The following GPC5 variants were observed in gnomAD, a reference collection of about 807,000 sequenced individuals.
GPC5 encodes the protein glypican 5.
A neutral mutation model predicts 53.9 loss-of-function variants in GPC5; 47 were observed. That is an observed-to-expected ratio of 0.87 (90% CI 0.69 to 1.11). GPC5 has a LOEUF of 1.11. GPC5 is among the 50% of genes most tolerant of loss of function. GPC5 has a pLI of 0.00. For synonymous variants in GPC5, 286 were observed against 263.3 expected (o/e 1.09, Z -0.84); for missense variants, 748 against 713.1 (o/e 1.05, Z -0.56).
chr13:92,577,842 TAAAAC>T (rs1883238609), intron 7 of GPC5, among the ~76,000 whole-genome samples: 1 of 151,460 alleles, frequency 6.6e-6, no homozygotes, highest in Admixed American at 6.6e-5. Flanking sequence ...ACAAGAAAAA[TAAAAC>T]AAGGAGCAGA....
chr13:92,674,823 G>C (rs1396548913), intron 7 of GPC5, among the ~76,000 whole-genome samples: 1 of 151,980 alleles, frequency 6.6e-6, no homozygotes, highest in African/African-American at 2.4e-5. Context: ...CCTCACTTTA[G>C]AGAGAAAATA....
At position 92,347,962 on chromosome 13, in the gene GPC5, C is replaced by A. The variant is rs1444070737; in HGVS notation, c.1561+202973C>A. 1.3e-4 allele frequency among the ~76,000 whole-genome samples: 7 copies of A among 54,278 alleles called. 1 individual carries two copies. Among genetic ancestry groups the A allele is most frequent in the African/African-American group, 4.6e-4 (7 of 15,090 alleles). 35.6% of individuals were successfully genotyped at this position (54,278 alleles called of 152,430 possible). On this transcript the variant is annotated intron_variant, in intron 7 of 7. Transcript: ENST00000377067. ...TTATATGTAAACCTCATGAGAAACACAAAGCAAAAATTATTAGGACAAAAA... is the reference window on the plus strand; with the variant it reads ...TTATATGTAAACCTCATGAGAAACAAAAAGCAAAAATTATTAGGACAAAAA...
At chr13:92,175,186 C>T (rs1168167162) in intron 7 of GPC5, among the ~76,000 whole-genome samples, 1 of 152,190 alleles carries the variant, frequency 6.6e-6, no homozygotes, top group East Asian at 1.9e-4. Context: ...TTTCTGGAAA[C>T]ATTATTTTAT....
chr13:92,344,038 T>C (rs1032148092), intron 7 of GPC5, among the ~76,000 whole-genome samples: 8 of 151,604 alleles, frequency 5.3e-5, no homozygotes, highest in African/African-American at 1.9e-4. Context: ...CCTCAACATT[T>C]GGGGAGTGGG....
At chr13:91,785,547 A>C (rs2037864905) in intron 5 of GPC5, among the ~76,000 whole-genome samples, 3 of 152,236 alleles carry the variant, frequency 2.0e-5, no homozygotes, top group Admixed American at 1.3e-4. Flanking sequence ...CACAAATTTC[A>C]GGCTTGTATA....
intron 7 of GPC5, among the ~76,000 whole-genome samples, chr13:92,642,171 G>A (rs1055231880): frequency 9.9e-5 from 15 of 152,190 alleles, no homozygotes; most frequent in African/African-American, 3.1e-4. Context: ...ACAGTAGTGT[G>A]CACTTGCTGT....
chr13:92,692,754 A>ATTTTTTTTTTTTTTTTTT lies in GPC5; in HGVS notation c.1562-173523_1562-173506dup, dbSNP rs71272284. ...CTCCAAAGCCTCACCAATATCGGCT[A>ATTTTTTTTTTTTTTTTTT]TTTTTTTTTTTTTTTTTTTTTTACA... On this transcript the variant is annotated intron_variant, in intron 7 of 7. Transcript: ENST00000377067. Among the ~76,000 whole-genome samples, 657 of 80,882 alleles carry ATTTTTTTTTTTTTTTTTT rather than the reference A, an allele frequency of 8.1e-3. 73 individuals carry two copies. Among genetic ancestry groups the ATTTTTTTTTTTTTTTTTT allele is most frequent in the East Asian group, 0.061 (72 of 1,178 alleles). 53.1% of individuals were successfully genotyped at this position (80,882 alleles called of 152,430 possible).
At chr13:92,214,591 G>A (rs2042397098) in intron 7 of GPC5, among the ~76,000 whole-genome samples, 1 of 152,118 alleles carries the variant, frequency 6.6e-6, no homozygotes, top group Non-Finnish European at 1.5e-5. Flanking sequence ...GTGCACTACT[G>A]TTTGCCTAAG....
chr13:92,856,182 G>C (rs369413686), intron 7 of GPC5, among the ~76,000 whole-genome samples: 2 of 152,020 alleles, frequency 1.3e-5, no homozygotes, highest in African/African-American at 4.8e-5. Context: ...TTATTCCTGG[G>C]ATGCAAGGTT....
chr13:92,486,805 G>T (rs1409475634), intron 7 of GPC5, among the ~76,000 whole-genome samples: 1 of 151,976 alleles, frequency 6.6e-6, no homozygotes, highest in Non-Finnish European at 1.5e-5. Flanking sequence ...CACATTTCAT[G>T]TGATTCGTGG....
chr13:91,877,040 G>A (rs2039210645), intron 5 of GPC5, among the ~76,000 whole-genome samples: 1 of 152,208 alleles, frequency 6.6e-6, no homozygotes, highest in African/African-American at 2.4e-5. Context: ...CAGATGTTGA[G>A]CCTGTGGGTA....
At chr13:91,887,741 C>T (rs2039340842) in intron 5 of GPC5, among the ~76,000 whole-genome samples, 1 of 152,164 alleles carries the variant, frequency 6.6e-6, no homozygotes, top group Non-Finnish European at 1.5e-5. Context: ...TCCCAACAAG[C>T]TCCTCATCTC....
chr13:91,925,414 G>A (rs1226055568), intron 6 of GPC5, among the ~76,000 whole-genome samples: 1 of 152,044 alleles, frequency 6.6e-6, no homozygotes, highest in African/African-American at 2.4e-5. Context: ...TAAAATTCCT[G>A]TATTGTTTCA....
At chr13:91,432,368 T>C (rs1879558280) in intron 1 of GPC5, among the ~76,000 whole-genome samples, 1 of 152,188 alleles carries the variant, frequency 6.6e-6, no homozygotes, top group Non-Finnish European at 1.5e-5. Context: ...TGGCTTGAAT[T>C]AATGAACACA....
At chr13:91,441,317 A>C (rs561586824) in intron 1 of GPC5, among the ~76,000 whole-genome samples, 2 of 152,240 alleles carry the variant, frequency 1.3e-5, no homozygotes, top group African/African-American at 4.8e-5. Flanking sequence ...AAGAGGTGTT[A>C]TCAGACCTTC....
chr13:92,794,228 C>T (rs567955246), intron 7 of GPC5, among the ~76,000 whole-genome samples: 17 of 152,096 alleles, frequency 1.1e-4, no homozygotes, highest in Non-Finnish European at 1.9e-4. Context: ...GTTGGTTCGA[C>T]ATACGTGAAT....
At chr13:92,692,655 A>C (rs1048720522) in intron 7 of GPC5, among the ~76,000 whole-genome samples, 1 of 151,186 alleles carries the variant, frequency 6.6e-6, no homozygotes, top group East Asian at 1.9e-4. Flanking sequence ...CATTGTGCAC[A>C]TGTACCCTAA....
chr13:91,410,555 C>T (rs965374127), intron 1 of GPC5, among the ~76,000 whole-genome samples: 17 of 151,464 alleles, frequency 1.1e-4, no homozygotes, highest in Non-Finnish European at 1.9e-4. Context: ...ACTGTGTTAG[C>T]CAGGATGGTC....
intron 4 of GPC5, among the ~76,000 whole-genome samples, chr13:91,732,031 T>C (rs956799890): frequency 6.6e-6 from 1 of 152,238 alleles, no homozygotes; most frequent in African/African-American, 2.4e-5. Context: ...TGATTTATAA[T>C]CCTTTGGGTA....
Sources: allele counts gnomAD v4.1 joint callset (sites outside exome capture counted in the v4.1 genomes callset), GRCh38; gene constraint gnomAD v4.1.1; transcripts MANE v1.5; gene names NCBI Gene and HGNC (gene_info 2026-07-23, HGNC 2026-07-21).